SEMA5B: variants seen among roughly 807,000 people sequenced by gnomAD.
The protein encoded by SEMA5B is semaphorin 5B.
Under a neutral mutation model 135.0 loss-of-function variants are expected in SEMA5B, and 66 were observed. That is an observed-to-expected ratio of 0.49 (90% CI 0.40 to 0.60). The LOEUF (loss-of-function observed/expected upper bound fraction) is 0.60. Ranked by LOEUF, SEMA5B falls within the 20% of genes least tolerant of loss-of-function variation. The pLI is 0.00. For missense variants in SEMA5B, 1,501 were observed against 1,566.3 expected (o/e 0.96, Z 0.70); for synonymous variants, 690 against 639.5 (o/e 1.08, Z -1.19).
At chr3:122,967,750 G>T (rs1940932227) in intron 1 of SEMA5B, among the ~76,000 whole-genome samples, 1 of 152,262 alleles carries the variant, frequency 6.6e-6, no homozygotes, top group South Asian at 2.1e-4. Flanking sequence ...TCAGTCACTT[G>T]CTCAAGAATC....
rs528444871 is a variant in SEMA5B, at chr3:122,915,475, G to C, written c.1953C>G (p.Cys651Trp). The C allele has an allele frequency of 6.2e-7, 1 of 1,613,322 alleles. No individual in the cohort carries two copies. Among genetic ancestry groups the C allele is most frequent in the Admixed American group, 1.7e-5 (1 of 59,946 alleles). Residue 651 changes from cysteine to tryptophan, a missense_variant, in exon 14 of 23, where the codon TGC becomes TGG. By Grantham distance (215) the Cys-to-Trp change is radical. This residue lies in a region of SEMA5B where 927 missense variants were observed against 881.6 expected (regional missense o/e 1.05). Coordinates refer to ENST00000357599, the MANE Select transcript of SEMA5B (RefSeq NM_001031702.4). Reference sequence around the variant, plus strand: ...TGGCGATGTGGATGGCTGGCCCCAGGCAGTCAAGGCCCCCACAGCGGGGTC... The same window carrying C: ...TGGCGATGTGGATGGCTGGCCCCAGCCAGTCAAGGCCCCCACAGCGGGGTC... ...SPRPRCGGLD[C>W]LGPAIHIANC...
chr3:122,965,189 C>T (rs1198988372), intron 1 of SEMA5B, among the ~76,000 whole-genome samples: 2 of 152,192 alleles, frequency 1.3e-5, no homozygotes, highest in African/African-American at 2.4e-5. Context: ...AGCTCAGTGC[C>T]TCGGATTATA....
intron 1 of SEMA5B, among the ~76,000 whole-genome samples, chr3:122,978,330 C>G (rs944849584): frequency 1.3e-5 from 2 of 152,242 alleles, no homozygotes; most frequent in African/African-American, 4.8e-5. Flanking sequence ...AAGAACCACT[C>G]ACTGAGCTGG....
At chr3:122,923,881 G>A in intron 9 of SEMA5B, 129 bp from the exon 10 acceptor site, 5 of 723,248 alleles carry the variant, frequency 6.9e-6, no homozygotes, top group Non-Finnish European at 1.1e-5. Flanking sequence ...TCTGGCACAT[G>A]GGGGGATCTC....
intron 7 of SEMA5B, 130 bp downstream of exon 7, chr3:122,928,387 G>C (rs1362647349): frequency 3.2e-6 from 2 of 615,912 alleles, no homozygotes; most frequent in Non-Finnish European, 5.8e-6. Context: ...AATCTAACTG[G>C]GTGTCCTTTT....
In SEMA5B at chr3:122,934,033, G is replaced by A. The variant is rs544788384; in HGVS notation, c.475-4975C>T. Reference sequence around the variant, plus strand: ...AGTGATTCTCCTGCCTCGGCCTCCCGAGTAGCTGGGATTACAGGTGCGCGC... The same window carrying A: ...AGTGATTCTCCTGCCTCGGCCTCCCAAGTAGCTGGGATTACAGGTGCGCGC... On this transcript the variant is annotated intron_variant, in intron 5 of 22. Coordinates refer to ENST00000357599, the MANE Select transcript of SEMA5B (RefSeq NM_001031702.4). Among the ~76,000 whole-genome samples, 404 of 149,228 alleles carry A rather than the reference G, an allele frequency of 2.7e-3. 11 individuals carry two copies. Among genetic ancestry groups the A allele is most frequent in the Non-Finnish European group, 4.0e-3 (267 of 67,088 alleles).
intron 2 of SEMA5B, among the ~76,000 whole-genome samples, chr3:122,952,263 T>A (rs959893033): frequency 2.6e-5 from 4 of 152,200 alleles, no homozygotes; most frequent in Non-Finnish European, 5.9e-5. Flanking sequence ...GTCCGTCCTG[T>A]GGCATGGGGT....
At chr3:122,992,571 T>TGAGAAAAATACCTGCTG (rs1941911310) in intron 1 of SEMA5B, among the ~76,000 whole-genome samples, 1 of 152,122 alleles carries the variant, frequency 6.6e-6, no homozygotes, top group African/African-American at 2.4e-5. Context: ...TCCTGACTCC[T>TGAGAAAAATACCTGCTG]GAGAAAAATA....
chr3:122,943,051 G>A (rs771121239), intron 4 of SEMA5B, among the ~76,000 whole-genome samples: 2 of 152,192 alleles, frequency 1.3e-5, no homozygotes, highest in African/African-American at 2.4e-5. Context: ...GGTGCAGGCC[G>A]CCGGCTGGCC....
intron 21 of SEMA5B, 26 bp downstream of exon 21, chr3:122,911,465 C>T (rs1373417605): frequency 1.9e-6 from 3 of 1,600,044 alleles, no homozygotes; most frequent in Middle Eastern, 1.7e-4. Context: ...AGGACCGCAG[C>T]ATGAGGTAGG....
intron 1 of SEMA5B, among the ~76,000 whole-genome samples, chr3:122,992,484 C>A (rs528532115): frequency 6.6e-6 from 1 of 152,260 alleles, no homozygotes; most frequent in African/African-American, 2.4e-5. Context: ...GAGACACCAT[C>A]CCTCCACATG....
intron 12 of SEMA5B, among the ~76,000 whole-genome samples, chr3:122,916,130 T>C (rs1938065943): frequency 6.6e-6 from 1 of 152,222 alleles, no homozygotes; most frequent in Admixed American, 6.5e-5. Flanking sequence ...TCCCATGTTA[T>C]CTGGGGGAAA....
chr3:123,010,347 G>GT (rs1041803875), intron 1 of SEMA5B, among the ~76,000 whole-genome samples: 2 of 152,166 alleles, frequency 1.3e-5, no homozygotes, highest in African/African-American at 2.4e-5. Flanking sequence ...TCTAAAATGG[G>GT]TATAACAGTA....
chr3:123,015,456 G>A (rs1357249855), intron 1 of SEMA5B, among the ~76,000 whole-genome samples: 1 of 152,152 alleles, frequency 6.6e-6, no homozygotes. Flanking sequence ...TCACCTGGAG[G>A]GCCATCTTTG....
At position 122,929,057 on chromosome 3, in the gene SEMA5B, G is replaced by T. The variant is rs1227228340; in HGVS notation, c.476C>A (p.Ala159Asp). Residue 159 changes from alanine (A) to aspartate (D), a missense_variant and splice_region_variant, in exon 6 of 23, where the codon GCC becomes GAC. By Grantham distance (126) the Ala-to-Asp change is moderately radical. This residue lies in a region of SEMA5B where 574 missense variants were observed against 684.7 expected (regional missense o/e 0.84). Transcript: ENST00000357599. ...GTCCTCACTGGAGGCCCACTCTGTGGCCTGGGGGAGGAACATAGGAGCACA... is the reference window on the plus strand; with the variant it reads ...GTCCTCACTGGAGGCCCACTCTGTGTCCTGGGGGAGGAACATAGGAGCACA... ...LSLANVSLLQ[A>D]TEWASSEDTR... 1 of 1,611,464 alleles carries T rather than the reference G, an allele frequency of 6.2e-7. No homozygotes were observed. Among genetic ancestry groups the T allele is most frequent in the Non-Finnish European group, 8.5e-7 (1 of 1,179,946 alleles).
chr3:122,998,539 C>T (rs1052216593), intron 1 of SEMA5B, among the ~76,000 whole-genome samples: 5 of 152,198 alleles, frequency 3.3e-5, no homozygotes, highest in Non-Finnish European at 7.4e-5. Context: ...GGACGGAAGG[C>T]TGGGTCAGTG....
At chr3:123,025,648 G>T (rs1322159312) in intron 1 of SEMA5B, among the ~76,000 whole-genome samples, 1 of 152,112 alleles carries the variant, frequency 6.6e-6, no homozygotes, top group Non-Finnish European at 1.5e-5. Flanking sequence ...TTGATATGGA[G>T]AAAAGAGCTC....
intron 1 of SEMA5B, among the ~76,000 whole-genome samples, chr3:122,981,296 T>TG (rs1560405115): frequency 2.6e-5 from 4 of 151,890 alleles, no homozygotes; most frequent in Admixed American, 2.6e-4. Context: ...GTTGGGCCCC[T>TG]GTGCCACAGG....
intron 1 of SEMA5B, chr3:122,993,104 C>T (rs1283588315): frequency 3.9e-5 from 6 of 152,262 alleles, no homozygotes; most frequent in Non-Finnish European, 8.8e-5. Context: ...CTGTAGAGTC[C>T]ACCCAGGCCA....
Sources: gnomAD v4.1 joint callset for allele counts (sites outside exome capture counted in the v4.1 genomes callset) on GRCh38, gnomAD v4.1.1 for gene constraint, gnomAD v4.1.1 regional missense constraint, MANE v1.5 for transcripts, NCBI Gene and HGNC (gene_info 2026-07-23, HGNC 2026-07-21) for gene names.